DET1: variants seen among roughly 807,000 people sequenced by gnomAD.
DET1 encodes the protein DET1 partner of COP1 E3 ubiquitin ligase, also known as DET1 homolog.
DET1 carries 22 observed loss-of-function variants against 43.7 expected under a neutral mutation model. That is an observed-to-expected ratio of 0.50 (90% CI 0.36 to 0.72). The LOEUF is 0.72. Among genes scored for constraint, DET1 ranks in the 30% least tolerant of loss-of-function variants. DET1 has a pLI of 0.00. For missense variants in DET1, 713 were observed against 713.3 expected (o/e 1.00, Z 0.00); for synonymous variants, 315 against 266.2 (o/e 1.18, Z -1.79).
chr15:88,535,085 C>T (rs986962217), intron 1 of DET1, among the ~76,000 whole-genome samples: 1 of 152,206 alleles, frequency 6.6e-6, no homozygotes, highest in African/African-American at 2.4e-5. Context: ...AAAACAAAGT[C>T]TCAGCTAAGA....
chr15:88,516,058 A>C lies in DET1; in HGVS notation c.1463+724T>G, dbSNP rs920955001. On this transcript the variant is annotated intron_variant, in intron 4 of 4. Coordinates refer to ENST00000268148, the MANE Select transcript of DET1 (RefSeq NM_001144074.3). The surrounding 1 kb of genome is among the most constrained non-coding windows in gnomAD (Gnocchi z 4.4). ...AATACACAATGAGACTGGATGATGAAATATATCTATCATAAAGATCTAACT... is the reference window on the plus strand; with the variant it reads ...AATACACAATGAGACTGGATGATGACATATATCTATCATAAAGATCTAACT... Among the ~76,000 whole-genome samples the C allele has an allele frequency of 5.3e-5, 8 of 152,224 alleles. No individual in the cohort carries two copies. Among genetic ancestry groups the C allele is most frequent in the Non-Finnish European group, 1.2e-4 (8 of 68,040 alleles).
intron 1 of DET1, among the ~76,000 whole-genome samples, chr15:88,545,576 G>C (rs1317316474): frequency 6.6e-6 from 1 of 152,070 alleles, no homozygotes; most frequent in African/African-American, 2.4e-5. Context: ...ATACTATTAA[G>C]TTTAATTTTT....
chr15:88,533,379 G>C (rs189200383), intron 1 of DET1, among the ~76,000 whole-genome samples: 7 of 152,130 alleles, frequency 4.6e-5, no homozygotes, highest in African/African-American at 7.2e-5. Context: ...CAGTATGAAG[G>C]TTCCTTGAAG....
intron 1 of DET1, among the ~76,000 whole-genome samples, chr15:88,532,805 A>T (rs1407735411): frequency 6.6e-6 from 1 of 152,224 alleles, no homozygotes; most frequent in Admixed American, 6.5e-5. Flanking sequence ...TAGGAAAAGA[A>T]TCTAAATATA....
At chr15:88,541,264 G>T (rs1359685505) in intron 1 of DET1, among the ~76,000 whole-genome samples, 1 of 151,440 alleles carries the variant, frequency 6.6e-6, no homozygotes, top group Admixed American at 6.6e-5. Flanking sequence ...TTGTTCACGT[G>T]TTTGTCTGCT....
intron 1 of DET1, among the ~76,000 whole-genome samples, chr15:88,539,016 G>C (rs2057024291): frequency 6.6e-6 from 1 of 151,998 alleles, no homozygotes; most frequent in African/African-American, 2.4e-5. Context: ...GTGGGAAGTG[G>C]TCCTGATCAG....
chr15:88,537,602 G>C (rs2056986673), intron 1 of DET1, among the ~76,000 whole-genome samples: 1 of 152,208 alleles, frequency 6.6e-6, no homozygotes, highest in African/African-American at 2.4e-5. Context: ...GAGCAGCTGA[G>C]ATGAAGATCT....
In DET1 at chr15:88,531,568, G is replaced by C. The variant is rs778769232; in HGVS notation, c.138C>G (p.Val46=). 1.2e-6 allele frequency: 2 copies of C among 1,614,014 alleles called. No individual in the cohort carries two copies. Among genetic ancestry groups the C allele is most frequent in the South Asian group, 1.1e-5 (1 of 91,076 alleles). Residue 46 remains valine, a synonymous_variant, in exon 2 of 5, where the codon GTC becomes GTG. Transcript: ENST00000268148. The surrounding 1 kb of genome is among the most constrained non-coding windows in gnomAD (Gnocchi z 6.2). ...CGTTGACAACTGTGAAGTTGGGGAA[G>C]ACATTCTGATGGAACACTCGGACTT... The part of the protein sequence containing the change: ...WHQVRVFHQN[V]FPNFTVVNVE...
rs891930610 is a variant in DET1 at position 88,541,478 on chromosome 15, C to T, written c.-11+5062G>A. Among the ~76,000 whole-genome samples, 11 of 152,070 alleles carry T rather than the reference C, an allele frequency of 7.2e-5. No homozygotes were observed. In the East Asian group the frequency reaches 1.2e-3, roughly 16 times the overall value. ...TTTCCAAATCTCTCGTCCCACCTTA[C>T]GAGAAACACCCACAGGTGTGTAGGG... On this transcript the variant is annotated intron_variant, in intron 1 of 4. Transcript: ENST00000268148.
intron 1 of DET1, among the ~76,000 whole-genome samples, chr15:88,544,556 C>A (rs181416994): frequency 1.3e-5 from 2 of 152,210 alleles, no homozygotes; most frequent in Admixed American, 1.3e-4. Context: ...TCCTGCCATT[C>A]GTTCCAGCCA....
At chr15:88,521,808 G>C (rs1598324450) in intron 3 of DET1, among the ~76,000 whole-genome samples, 1 of 151,936 alleles carries the variant, frequency 6.6e-6, no homozygotes, top group East Asian at 1.9e-4. Flanking sequence ...CTTTCTCAAA[G>C]TTTTCACAAT....
At chr15:88,536,450 G>T (rs1464236004) in intron 1 of DET1, 1 of 658,866 alleles carries the variant, frequency 1.5e-6, no homozygotes, top group East Asian at 2.8e-5. Context: ...ATTGGTATGA[G>T]CCTTGAAGAA....
intron 7 of DET1, among the ~76,000 whole-genome samples, chr15:88,506,027 T>C (rs1216488595): frequency 6.6e-6 from 1 of 151,992 alleles, no homozygotes; most frequent in Non-Finnish European, 1.5e-5. Context: ...CACTAGGAAA[T>C]GAAGAGGTAC....
chr15:88,523,510 C>G (rs558273393), intron 3 of DET1, among the ~76,000 whole-genome samples: 85 of 152,250 alleles, frequency 5.6e-4, no homozygotes, highest in Middle Eastern at 6.8e-3. Context: ...AACTGTACTG[C>G]CGCCATCTCG....
In DET1 at chr15:88,531,256, G is replaced by A. The variant is rs1273552626; in HGVS notation, c.450C>T (p.Asp150=). The change falls in exon 2 of 5, where the codon GAC becomes GAT. Residue 150 remains aspartate, a synonymous_variant. Transcript: ENST00000268148. This position sits in a 1 kb window ranked among gnomAD's most constrained non-coding sequence, Gnocchi z 6.2. ...CTGAGCCCACGATGACACAGCGGCA[G>A]TCATCAGTGAAGAGACTACACTCCC... ...LNRECSLFTD[D]CRCVIVGSAA... is the part of the protein sequence containing the mutation. The A allele has an allele frequency of 3.1e-6, 5 of 1,613,954 alleles. No individual in the cohort carries two copies. Among genetic ancestry groups the A allele is most frequent in the Non-Finnish European group, 4.2e-6 (5 of 1,179,878 alleles).
At chr15:88,514,679 A>G (rs1009153082) in intron 4 of DET1, among the ~76,000 whole-genome samples, 3 of 152,232 alleles carry the variant, frequency 2.0e-5, no homozygotes, top group African/African-American at 7.2e-5. Context: ...AACAGACTAC[A>G]AAAAATGATG....
At chr15:88,508,996 G>A (rs1250176189), downstream of DET1, among the ~76,000 whole-genome samples, 2 of 152,216 alleles carry the variant, frequency 1.3e-5, no homozygotes, top group Non-Finnish European at 2.9e-5. Context: ...AGGTAGAGGG[G>A]CTTGCCTTTT....
intron 7 of DET1, chr15:88,505,192 T>C (rs2056127227): frequency 6.6e-6 from 1 of 152,232 alleles, no homozygotes; most frequent in African/African-American, 2.4e-5. Context: ...ATTAGTCCTG[T>C]GCTCTGCATG....
intron 3 of DET1, among the ~76,000 whole-genome samples, chr15:88,527,378 T>C (rs1400910712): frequency 6.6e-6 from 1 of 152,272 alleles, no homozygotes; most frequent in Non-Finnish European, 1.5e-5. Flanking sequence ...TCTGTCTTTC[T>C]GCAGCTCACA....
Sources: gnomAD v4.1 joint callset for allele counts (sites outside exome capture counted in the v4.1 genomes callset) on GRCh38, gnomAD v4.1.1 for gene constraint, Gnocchi (gnomAD v3.1) non-coding constraint, MANE v1.5 for transcripts, NCBI Gene and HGNC (gene_info 2026-07-23, HGNC 2026-07-21) for gene names.